Variants in PDE4D observed in about 807,000 individuals in gnomAD.
PDE4D encodes the protein 3',5'-cyclic-AMP phosphodiesterase 4D.
Under a neutral mutation model 87.4 loss-of-function variants are expected in PDE4D, and 24 were observed. The observed-to-expected ratio is 0.27, with a 90% confidence interval of 0.20 to 0.39. PDE4D has a LOEUF of 0.39. Among genes scored for constraint, PDE4D ranks in the 10% least tolerant of loss-of-function variants. The pLI, the probability that PDE4D is intolerant of heterozygous loss-of-function variation, is 1.00. For synonymous variants in PDE4D, 384 were observed against 383.2 expected (o/e 1.00, Z -0.02); for missense variants, 714 against 1,041.0 (o/e 0.69, Z 4.32).
chr5:59,714,026 T>G (rs1435789659), intron 1 of PDE4D, among the ~76,000 whole-genome samples: 1 of 152,058 alleles, frequency 6.6e-6, no homozygotes, highest in Non-Finnish European at 1.5e-5. Flanking sequence ...TAGAGGCTGT[T>G]GTGAATGCAG....
intron 1 of PDE4D, among the ~76,000 whole-genome samples, chr5:60,389,817 C>A (rs938704448): frequency 6.6e-6 from 1 of 152,118 alleles, no homozygotes; most frequent in East Asian, 1.9e-4. Flanking sequence ...GAAACTGACA[C>A]CTCTACCCCA....
chr5:59,870,051 C>A (rs1358175682), intron 1 of PDE4D, among the ~76,000 whole-genome samples: 4 of 152,118 alleles, frequency 2.6e-5, no homozygotes, highest in African/African-American at 9.7e-5. Context: ...GCCCACATAC[C>A]ATTAGGGCAA....
chr5:59,780,505 G>A (rs1764511050), intron 1 of PDE4D, among the ~76,000 whole-genome samples: 1 of 152,144 alleles, frequency 6.6e-6, no homozygotes, highest in Non-Finnish European at 1.5e-5. Flanking sequence ...TTCTTTTTCG[G>A]TAATTTTCTG....
chr5:59,474,798 C>A (rs1803032098), intron 1 of PDE4D, among the ~76,000 whole-genome samples: 1 of 152,008 alleles, frequency 6.6e-6, no homozygotes, highest in Non-Finnish European at 1.5e-5. Context: ...ATATTAATAA[C>A]TGAAGTCATA....
chr5:59,053,500 G>T (rs576522313), intron 5 of PDE4D, among the ~76,000 whole-genome samples: 67 of 150,884 alleles, frequency 4.4e-4, no homozygotes, highest in Non-Finnish European at 8.7e-4. Context: ...GCAAGTTTTT[G>T]ATTTGAGACA....
chr5:58,990,772 A>C (rs1186201558), intron 9 of PDE4D, 32 bp downstream of exon 9: 1 of 1,167,592 alleles, frequency 8.6e-7, no homozygotes, highest in Non-Finnish European at 1.3e-6. Context: ...GTTCCTAAAT[A>C]AAATAAATGT....
At chr5:59,377,209 A>T (rs1417095120) in intron 1 of PDE4D, among the ~76,000 whole-genome samples, 1 of 152,172 alleles carries the variant, frequency 6.6e-6, no homozygotes, top group East Asian at 1.9e-4. Context: ...CGAGGTCAGG[A>T]GATCGAGACC....
intron 1 of PDE4D, among the ~76,000 whole-genome samples, chr5:60,213,030 T>C (rs1356158646): frequency 6.6e-6 from 1 of 152,228 alleles, no homozygotes; most frequent in Non-Finnish European, 1.5e-5. Flanking sequence ...CTCTTCTCTA[T>C]AGATTTCCTT....
intron 1 of PDE4D, among the ~76,000 whole-genome samples, chr5:60,478,233 A>G (rs1748471386): frequency 6.6e-6 from 1 of 152,232 alleles, no homozygotes; most frequent in Admixed American, 6.5e-5. Flanking sequence ...ACATTTGAAA[A>G]CAAGTTTATG....
chr5:60,086,156 G>T (rs1161014228), intron 2 of PDE4D, among the ~76,000 whole-genome samples: 4 of 152,106 alleles, frequency 2.6e-5, no homozygotes, highest in African/African-American at 9.7e-5. Flanking sequence ...TATTTTTGAT[G>T]ATTTATGTTA....
chr5:59,912,943 G>A (rs1753613798), intron 3 of PDE4D, among the ~76,000 whole-genome samples: 1 of 152,186 alleles, frequency 6.6e-6, no homozygotes, highest in Non-Finnish European at 1.5e-5. Flanking sequence ...TTGGGTGCCA[G>A]AGAAGACCTC....
At position 59,880,696 on chromosome 5, in the gene PDE4D, C is replaced by A. The variant is rs374609114; in HGVS notation, c.455+12472G>T. Among the ~76,000 whole-genome samples the A allele has an allele frequency of 5.1e-4, 78 of 152,244 alleles. No homozygotes were observed. In the South Asian group the frequency reaches 0.016, roughly 30 times the overall value. On this transcript the variant is annotated intron_variant, in intron 1 of 14. Coordinates refer to ENST00000340635, the MANE Select transcript of PDE4D (RefSeq NM_001104631.2). Reference sequence around the variant, plus strand: ...TTGTATAATTAGTAAGACATATAATCATTATGTTTGAGCTCATTGGAAATG... The same window carrying A: ...TTGTATAATTAGTAAGACATATAATAATTATGTTTGAGCTCATTGGAAATG...
chr5:59,576,268 C>A (rs1255864932), intron 1 of PDE4D, among the ~76,000 whole-genome samples: 1 of 151,968 alleles, frequency 6.6e-6, no homozygotes, highest in Non-Finnish European at 1.5e-5. Context: ...CAAGGTTGCA[C>A]CCTTAGTAAG....
chr5:59,498,582 A>G (rs1249997379), intron 1 of PDE4D, among the ~76,000 whole-genome samples: 4 of 151,962 alleles, frequency 2.6e-5, no homozygotes, highest in African/African-American at 9.7e-5. Flanking sequence ...ATGGATAGAG[A>G]AAGATCTATC....
intron 1 of PDE4D, among the ~76,000 whole-genome samples, chr5:59,431,921 C>T (rs1473742290): frequency 2.0e-5 from 3 of 152,026 alleles, no homozygotes; most frequent in Non-Finnish European, 4.4e-5. Context: ...GGATAATAGC[C>T]TCCAGTTCCA....
rs141679058 is a variant in PDE4D at position 60,175,842 on chromosome 5, A to G, written c.42+9715T>C. 1.1e-3 allele frequency among the ~76,000 whole-genome samples: 174 copies of G among 152,154 alleles called. 1 individual carries two copies. Among genetic ancestry groups the G allele is most frequent in the African/African-American group, 3.9e-3 (164 of 41,532 alleles). ...ACAAGTGCTCCTGCAACTTTCTCCAATTGTTGTGCAAATCCTAGCATATAT... is the reference window on the plus strand; with the variant it reads ...ACAAGTGCTCCTGCAACTTTCTCCAGTTGTTGTGCAAATCCTAGCATATAT... On this transcript the variant is annotated intron_variant, in intron 2 of 16. Coordinates refer to the PDE4D transcript ENST00000502484.
chr5:60,233,388 T>C (rs1314763217), intron 1 of PDE4D, among the ~76,000 whole-genome samples: 1 of 151,818 alleles, frequency 6.6e-6, no homozygotes, highest in Non-Finnish European at 1.5e-5. Flanking sequence ...CAAAGGCCAC[T>C]GAACAAAGAC....
intron 1 of PDE4D, among the ~76,000 whole-genome samples, chr5:60,206,880 G>A (rs1742597534): frequency 6.6e-6 from 1 of 152,132 alleles, no homozygotes; most frequent in Admixed American, 6.5e-5. Flanking sequence ...TAGAGAGCAA[G>A]GCTAACACTA....
At chr5:60,096,063 A>G (rs918757821) in intron 2 of PDE4D, among the ~76,000 whole-genome samples, 8 of 152,246 alleles carry the variant, frequency 5.3e-5, no homozygotes, top group Admixed American at 1.3e-4. Flanking sequence ...CTCTGATGAT[A>G]CTTTCTTTTG....
Sources: gnomAD v4.1 joint callset for allele counts (sites outside exome capture counted in the v4.1 genomes callset) on GRCh38, gnomAD v4.1.1 for gene constraint, MANE v1.5 for transcripts, NCBI Gene and HGNC (gene_info 2026-07-23, HGNC 2026-07-21) for gene names.